CNTNAP2: variants seen among roughly 807,000 people sequenced by gnomAD.
CNTNAP2 encodes contactin-associated protein-like 2.
Under a neutral mutation model 155.2 loss-of-function variants are expected in CNTNAP2, and 98 were observed. The ratio of observed to expected loss-of-function variants is 0.63; its 90% CI spans 0.54 to 0.75. The LOEUF is 0.75. CNTNAP2 is among the 30% of genes least tolerant of loss of function. CNTNAP2 has a pLI of 0.00. For missense variants in CNTNAP2, 1,727 were observed against 1,688.1 expected (o/e 1.02, Z -0.40); for synonymous variants, 651 against 631.2 (o/e 1.03, Z -0.47).
In CNTNAP2 at chr7:146,876,219, C is replaced by A. The variant is rs537539318; in HGVS notation, c.402+36315C>A. On this transcript the variant is annotated intron_variant, in intron 3 of 23. Transcript: ENST00000361727. ...ATCGTCACCAAATCTATTCTTGCAT[C>A]ACCTGAATCTTCCCAGGTTGAAGAT... Among the ~76,000 whole-genome samples the A allele has an allele frequency of 3.3e-5, 5 of 152,158 alleles. No homozygotes were observed. The South Asian group carries it at 1.0e-3, about 32-fold the overall frequency.
At chr7:147,161,808 A>C (rs1258734030) in intron 8 of CNTNAP2, 1 of 152,162 alleles carries the variant, frequency 6.6e-6, no homozygotes, top group Non-Finnish European at 1.5e-5. Flanking sequence ...TCCCAGGAGA[A>C]CCTTACAAGT....
chr7:147,709,169 G>A (rs1032310708), intron 13 of CNTNAP2, among the ~76,000 whole-genome samples: 5 of 152,112 alleles, frequency 3.3e-5, no homozygotes, highest in Non-Finnish European at 7.3e-5. Context: ...TCCAGGCAAT[G>A]GCCGAGCAGA....
intron 2 of CNTNAP2, among the ~76,000 whole-genome samples, chr7:146,810,612 G>A (rs1015048071): frequency 1.6e-4 from 23 of 145,336 alleles, no homozygotes; most frequent in Non-Finnish European, 1.6e-4. Flanking sequence ...TTCCAATTAG[G>A]ATGCTTTCTA....
At chr7:146,748,871 C>A (rs1279847497) in intron 1 of CNTNAP2, among the ~76,000 whole-genome samples, 2 of 152,160 alleles carry the variant, frequency 1.3e-5, no homozygotes, top group Admixed American at 1.3e-4. Context: ...AATGGATCTG[C>A]CTCTGGCTTG....
chr7:146,721,824 A>T (rs1311146573), intron 1 of CNTNAP2, among the ~76,000 whole-genome samples: 10 of 106,760 alleles, frequency 9.4e-5, no homozygotes, highest in Non-Finnish European at 1.6e-4. Context: ...ATATATGTAG[A>T]CTATATATAG....
At chr7:146,180,637 T>A (rs762843099) in intron 1 of CNTNAP2, among the ~76,000 whole-genome samples, 25 of 152,170 alleles carry the variant, frequency 1.6e-4, no homozygotes, top group Non-Finnish European at 3.4e-4. Flanking sequence ...AACAGCCCTC[T>A]CTATACTAGG....
At chr7:146,162,792 T>C (rs1798244748) in intron 1 of CNTNAP2, among the ~76,000 whole-genome samples, 1 of 152,060 alleles carries the variant, frequency 6.6e-6, no homozygotes, top group African/African-American at 2.4e-5. Flanking sequence ...ATTAAGAAAA[T>C]GTGGCACATA....
At chr7:146,950,718 A>G (rs1797293970) in intron 3 of CNTNAP2, among the ~76,000 whole-genome samples, 1 of 152,014 alleles carries the variant, frequency 6.6e-6, no homozygotes, top group Admixed American at 6.6e-5. Flanking sequence ...GCTGGTTCCA[A>G]GTCTTTGCTA....
chr7:146,842,734 G>A (rs1204543023), intron 3 of CNTNAP2, among the ~76,000 whole-genome samples: 2 of 152,036 alleles, frequency 1.3e-5, no homozygotes, highest in African/African-American at 4.8e-5. Flanking sequence ...CGCCCAGGCT[G>A]GAGTGCAGTG....
At chr7:146,815,567 CAT>C (rs899519855) in intron 2 of CNTNAP2, among the ~76,000 whole-genome samples, 1 of 152,000 alleles carries the variant, frequency 6.6e-6, no homozygotes, top group African/African-American at 2.4e-5. Flanking sequence ...CATACACAAA[CAT>C]ATATTCACAT....
chr7:146,205,529 A>G (rs1798932498), intron 1 of CNTNAP2, among the ~76,000 whole-genome samples: 1 of 151,908 alleles, frequency 6.6e-6, no homozygotes, highest in Non-Finnish European at 1.5e-5. Flanking sequence ...GTAGTGCTAT[A>G]GCAATTTTGA....
At chr7:146,252,883 CGTA>C (rs1341944806) in intron 1 of CNTNAP2, among the ~76,000 whole-genome samples, 7 of 141,830 alleles carry the variant, frequency 4.9e-5, no homozygotes, top group African/African-American at 2.2e-4. Flanking sequence ...ATTGCCTCAT[CGTA>C]ATGATAATAA....
chr7:146,805,889 A>T (rs1307248200), intron 2 of CNTNAP2, among the ~76,000 whole-genome samples: 1 of 152,232 alleles, frequency 6.6e-6, no homozygotes, highest in Non-Finnish European at 1.5e-5. Context: ...AAAGACCAGA[A>T]GTCAATTTTT....
chr7:147,395,968 G>T (rs1345436159), intron 10 of CNTNAP2, among the ~76,000 whole-genome samples, 188 bp downstream of exon 10: 1 of 148,908 alleles, frequency 6.7e-6, no homozygotes. Flanking sequence ...TTTTTATGTG[G>T]ATATATATAT....
chr7:146,312,300 G>A (rs1318198448), intron 1 of CNTNAP2, among the ~76,000 whole-genome samples: 3 of 152,138 alleles, frequency 2.0e-5, no homozygotes, highest in East Asian at 3.8e-4. Context: ...GTTGATGAGA[G>A]GGTGAGAGTT....
chr7:147,501,920 A>T (rs1305310876), intron 11 of CNTNAP2, among the ~76,000 whole-genome samples: 1 of 152,200 alleles, frequency 6.6e-6, no homozygotes, highest in Non-Finnish European at 1.5e-5. Context: ...GTTTCTATAC[A>T]CTACCAATGA....
chr7:146,166,973 C>G (rs987208631), intron 1 of CNTNAP2, among the ~76,000 whole-genome samples: 3 of 152,174 alleles, frequency 2.0e-5, no homozygotes, highest in African/African-American at 7.2e-5. Flanking sequence ...TGGAATGAAG[C>G]AGGCTTCCCA....
intron 8 of CNTNAP2, among the ~76,000 whole-genome samples, chr7:147,183,437 G>A (rs1802506659): frequency 6.6e-6 from 1 of 152,150 alleles, no homozygotes; most frequent in African/African-American, 2.4e-5. Flanking sequence ...ACTTGGAGGA[G>A]TCCTTTACAC....
At chr7:147,664,668 G>C (rs1795667478) in intron 13 of CNTNAP2, among the ~76,000 whole-genome samples, 1 of 152,008 alleles carries the variant, frequency 6.6e-6, no homozygotes, top group Non-Finnish European at 1.5e-5. Context: ...AAATCTCTTT[G>C]AATCTACTCT....
Sources: allele counts gnomAD v4.1 joint callset (sites outside exome capture counted in the v4.1 genomes callset), GRCh38; gene constraint gnomAD v4.1.1; transcripts MANE v1.5; gene names NCBI Gene and HGNC (gene_info 2026-07-23, HGNC 2026-07-21).